FRMD4A: variants seen among roughly 807,000 people sequenced by gnomAD.
FRMD4A encodes the protein FERM domain containing 4A, also known as FERM domain-containing protein 4A.
A neutral mutation model predicts 129.1 loss-of-function variants in FRMD4A; 29 were observed. The observed-to-expected ratio is 0.22, with a 90% CI of 0.17 to 0.31. The LOEUF is 0.31. Among genes scored for constraint, FRMD4A ranks in the 10% least tolerant of loss-of-function variants. The probability of loss-of-function intolerance (pLI) is 1.00; values close to 1 mark genes in which losing one functional copy is unlikely to be tolerated. For synonymous variants in FRMD4A, 634 were observed against 571.6 expected, an observed-to-expected ratio of 1.11 and a Z score of -1.56; for missense variants, 1,272 against 1,375.8, an observed-to-expected ratio of 0.92 and a Z score of 1.19.
intron 2 of FRMD4A, among the ~76,000 whole-genome samples, chr10:13,906,708 A>G (rs2094885735): frequency 6.6e-6 from 1 of 152,180 alleles, no homozygotes; most frequent in Non-Finnish European, 1.5e-5. Context: ...TTGTAAGTTA[A>G]TCATAGGAAA....
At chr10:14,234,780 G>A (rs1468244847) in intron 2 of FRMD4A, among the ~76,000 whole-genome samples, 1 of 152,150 alleles carries the variant, frequency 6.6e-6, no homozygotes, top group Admixed American at 6.5e-5. Context: ...CTCTATGGTG[G>A]GCATTCAGAT....
At chr10:13,807,288 C>T (rs12098701) in intron 4 of FRMD4A, among the ~76,000 whole-genome samples, 2,601 of 152,200 alleles carry the variant, frequency 0.017, 58 homozygotes, top group African/African-American at 0.057. Flanking sequence ...CAGATGCAAA[C>T]GAATCTTGTA....
In FRMD4A at chr10:13,814,654, A is replaced by C. The variant is rs187785119; in HGVS notation, c.112-3746T>G. On this transcript the variant is annotated intron_variant, in intron 3 of 24. Transcript: ENST00000357447. ...AGAAAAAAAAGAAAGAAAGAAAGAG[A>C]GACAGAAACAGAGAGCAAGAGAAAG... 8.6e-5 allele frequency among the ~76,000 whole-genome samples: 13 copies of C among 150,574 alleles called. No homozygotes were observed. In the East Asian group the frequency reaches 2.5e-3, roughly 29 times the overall value.
intron 2 of FRMD4A, among the ~76,000 whole-genome samples, chr10:14,123,448 C>T (rs913813410): frequency 7.9e-5 from 12 of 152,158 alleles, no homozygotes; most frequent in Non-Finnish European, 4.4e-5. Flanking sequence ...GAAAACAAAG[C>T]CAGAATACAT....
At chr10:13,693,034 A>ATTTTTTTTTT (rs71503094) in intron 15 of FRMD4A, 1 of 31,980 alleles carries the variant, frequency 3.1e-5, no homozygotes, top group African/African-American at 5.1e-5. Flanking sequence ...TGGCTAATTA[A>ATTTTTTTTTT]TTTTTTTTTT....
chr10:13,714,602 A>C (rs2088592098), intron 12 of FRMD4A, among the ~76,000 whole-genome samples: 1 of 152,100 alleles, frequency 6.6e-6, no homozygotes, highest in South Asian at 2.1e-4. Context: ...ACATGTTTAT[A>C]TTTGTAGCGA....
intron 2 of FRMD4A, among the ~76,000 whole-genome samples, chr10:13,892,607 A>G (rs1055804005): frequency 1.3e-5 from 2 of 152,126 alleles, no homozygotes; most frequent in African/African-American, 4.8e-5. Context: ...TTGTCAAAAC[A>G]CGGTGATAAA....
chr10:14,017,162 T>C (rs777839531), intron 2 of FRMD4A, among the ~76,000 whole-genome samples: 1 of 152,230 alleles, frequency 6.6e-6, no homozygotes, highest in African/African-American at 2.4e-5. Flanking sequence ...TTAGGAGTGA[T>C]GTCATGCCCA....
At chr10:13,759,439 T>G (rs2091982670) in intron 8 of FRMD4A, among the ~76,000 whole-genome samples, 1 of 152,198 alleles carries the variant, frequency 6.6e-6, no homozygotes, top group Non-Finnish European at 1.5e-5. Context: ...GATCATGCTA[T>G]TCCCAGTTCA....
chr10:13,858,891 G>C lies in FRMD4A; in HGVS notation c.67C>G (p.Gln23Glu). The stretch of plus-strand genomic sequence containing the variant: ...TTCCTGTCATCAAGAAGATGTACTT[G>C]ACATCGGCGGCCCTCCGTCATCTAA... ...LLMMTEGRRC[Q>E]VHLLDDRKLE... Residue 23 changes from glutamine (Q) to glutamate (E), a missense_variant, in exon 3 of 25, where the codon CAA (glutamine) becomes GAA (glutamate). By Grantham distance (29) the Gln-to-Glu change is conservative. This residue lies in a region of FRMD4A where 300 missense variants were observed against 483.6 expected (regional missense o/e 0.62). Coordinates refer to ENST00000357447, the MANE Select transcript of FRMD4A (RefSeq NM_018027.5). 3 of 1,603,694 alleles carry C rather than the reference G, an allele frequency of 1.9e-6. No homozygotes were observed. Among genetic ancestry groups the C allele is most frequent in the Non-Finnish European group, 2.6e-6 (3 of 1,170,488 alleles).
intron 2 of FRMD4A, among the ~76,000 whole-genome samples, chr10:14,115,369 C>G (rs143554778): frequency 3.1e-3 from 466 of 152,298 alleles, no homozygotes; most frequent in Middle Eastern, 6.8e-3. Context: ...CTCACAAAAT[C>G]ACAAATATAT....
chr10:13,828,522 T>TCTTC (rs2093738203), intron 3 of FRMD4A, among the ~76,000 whole-genome samples: 1 of 91,948 alleles, frequency 1.1e-5, no homozygotes, highest in Non-Finnish European at 2.6e-5. Flanking sequence ...CATGTTTTCT[T>TCTTC]CTTTCTTTCT....
chr10:14,124,253 A>G (rs1838701972), intron 2 of FRMD4A, among the ~76,000 whole-genome samples: 1 of 152,196 alleles, frequency 6.6e-6, no homozygotes, highest in Admixed American at 6.5e-5. Context: ...AGACATAATT[A>G]CAGCACCTGG....
intron 2 of FRMD4A, among the ~76,000 whole-genome samples, chr10:14,092,324 A>G (rs1000971526): frequency 6.6e-6 from 1 of 152,200 alleles, no homozygotes; most frequent in African/African-American, 2.4e-5. Flanking sequence ...GATTGAAAGC[A>G]TTTCACTCCA....
chr10:13,955,559 T>G (rs947509651), intron 2 of FRMD4A, among the ~76,000 whole-genome samples: 2 of 152,228 alleles, frequency 1.3e-5, no homozygotes, highest in Admixed American at 1.3e-4. Flanking sequence ...GCAGATGAGC[T>G]GCAGTACTAG....
intron 2 of FRMD4A, among the ~76,000 whole-genome samples, chr10:13,953,808 G>A (rs2095390504): frequency 6.6e-6 from 1 of 152,158 alleles, no homozygotes; most frequent in Non-Finnish European, 1.5e-5. Flanking sequence ...TATAGGGTTT[G>A]GTACTATTCG....
At chr10:13,932,816 G>C (rs1448934340) in intron 2 of FRMD4A, among the ~76,000 whole-genome samples, 1 of 152,090 alleles carries the variant, frequency 6.6e-6, no homozygotes, top group African/African-American at 2.4e-5. Flanking sequence ...TTATTGTTGA[G>C]CCAATCAACA....
intron 2 of FRMD4A, among the ~76,000 whole-genome samples, chr10:13,964,688 T>C (rs75556562): frequency 6.6e-6 from 1 of 151,458 alleles, no homozygotes; most frequent in Non-Finnish European, 1.5e-5. Context: ...TTTTTTTTTT[T>C]TTGAGACAGA....
At chr10:14,018,669 G>C (rs1230800201) in intron 2 of FRMD4A, among the ~76,000 whole-genome samples, 2 of 152,130 alleles carry the variant, frequency 1.3e-5, no homozygotes, top group Non-Finnish European at 2.9e-5. Flanking sequence ...TGGAGGCCAA[G>C]AGAGCAGGTA....
Sources: allele counts gnomAD v4.1 joint callset (sites outside exome capture counted in the v4.1 genomes callset), GRCh38; gene constraint gnomAD v4.1.1; regional missense constraint gnomAD v4.1.1; transcripts MANE v1.5; gene names NCBI Gene and HGNC (gene_info 2026-07-23, HGNC 2026-07-21).